SYNPR: variants seen among roughly 807,000 people sequenced by gnomAD.
SYNPR encodes the protein synaptoporin.
A neutral mutation model predicts 32.9 loss-of-function variants in SYNPR; 23 were observed. That is an observed-to-expected ratio of 0.70 (90% CI 0.50 to 0.99). The LOEUF (loss-of-function observed/expected upper bound fraction) is 0.99. Among genes scored for constraint, SYNPR ranks in the 50% least tolerant of loss-of-function variants. The pLI, the probability that SYNPR is intolerant of heterozygous loss-of-function variation, is 0.00. For synonymous variants in SYNPR, 146 were observed against 135.9 expected (o/e 1.07, Z -0.52); for missense variants, 318 against 349.3 (o/e 0.91, Z 0.71).
the SYNPR span, chr3:63,203,189 T>C: frequency 6.7e-6 from 1 of 150,028 alleles, no homozygotes; most frequent in East Asian, 2.0e-4. Flanking sequence ...GAGAGGACAG[T>C]GGGGCAGCAG....
At chr3:63,452,131 T>C in intron 2 of SYNPR, 1 of 702,060 alleles carries the variant, frequency 1.4e-6, no homozygotes, top group Non-Finnish European at 2.6e-6. Context: ...AATGTTTTCT[T>C]ATTTGCTCAC....
At chr3:63,331,606 AG>A (rs2087230196) in intron 2 of SYNPR, among the ~76,000 whole-genome samples, 1 of 152,066 alleles carries the variant, frequency 6.6e-6, no homozygotes, top group South Asian at 2.1e-4. Flanking sequence ...GTAGTCTAGA[AG>A]GGGCTTGGGC....
At chr3:63,282,602 G>A (rs1350136880) in intron 2 of SYNPR, among the ~76,000 whole-genome samples, 1 of 150,858 alleles carries the variant, frequency 6.6e-6, no homozygotes, top group African/African-American at 2.4e-5. Context: ...AGGATCGCTT[G>A]AGCCCACGAG....
At chr3:63,349,392 G>T (rs559370254) in intron 2 of SYNPR, among the ~76,000 whole-genome samples, 1 of 152,146 alleles carries the variant, frequency 6.6e-6, no homozygotes, top group Non-Finnish European at 1.5e-5. Flanking sequence ...GAGCCACCGC[G>T]CCTGGCCAAC....
At chr3:63,418,332 A>G (rs574423966) in intron 2 of SYNPR, among the ~76,000 whole-genome samples, 2 of 152,278 alleles carry the variant, frequency 1.3e-5, no homozygotes, top group African/African-American at 2.4e-5. Context: ...TATCATTATC[A>G]GCAATTTGGT....
intron 3 of SYNPR, among the ~76,000 whole-genome samples, chr3:63,556,185 A>AG (rs1434824105): frequency 6.6e-6 from 1 of 152,192 alleles, no homozygotes; most frequent in African/African-American, 2.4e-5. Context: ...AGATACAGTT[A>AG]GGGGCACCAA....
chr3:63,445,827 A>G (rs1700267487), intron 2 of SYNPR, among the ~76,000 whole-genome samples: 1 of 152,214 alleles, frequency 6.6e-6, no homozygotes, highest in Non-Finnish European at 1.5e-5. Context: ...AATCTACAAC[A>G]AACGCCTAGA....
chr3:63,375,943 C>T (rs1248349958), intron 2 of SYNPR, among the ~76,000 whole-genome samples: 1 of 152,148 alleles, frequency 6.6e-6, no homozygotes, highest in African/African-American at 2.4e-5. Flanking sequence ...ACCTTAAAAC[C>T]TGCTTCTCCT....
intron 3 of SYNPR, among the ~76,000 whole-genome samples, chr3:63,531,468 A>G (rs1575695414): frequency 6.6e-6 from 1 of 152,190 alleles, no homozygotes; most frequent in East Asian, 1.9e-4. Flanking sequence ...CTGTGTGTCT[A>G]TTTACATAAC....
intron 5 of SYNPR, chr3:63,610,689 A>G (rs1255996257): frequency 2.3e-6 from 1 of 431,546 alleles, no homozygotes; most frequent in Non-Finnish European, 4.1e-6. Context: ...GTTTGTTTAT[A>G]GACAGTATTT....
At position 63,615,781 on chromosome 3, in the gene SYNPR, T is replaced by C. The variant is rs996944204; in HGVS notation, c.*300T>C. On this transcript the variant is annotated 3_prime_UTR_variant, in exon 6 of 6. Coordinates refer to ENST00000478300, the MANE Select transcript of SYNPR (RefSeq NM_001130003.2). ...TAAAGTAGTAGAAGTATTTTGTAGCTTAAAGTCTCTAGTATGTAATATGCA... is the reference window on the plus strand; with the variant it reads ...TAAAGTAGTAGAAGTATTTTGTAGCCTAAAGTCTCTAGTATGTAATATGCA... 3.9e-6 allele frequency: 1 copy of C among 258,218 alleles called. No homozygotes were observed. The highest frequency in any genetic ancestry group is 2.2e-5 in the African/African-American group (1 of 44,880). 16.0% of individuals were successfully genotyped at this position (258,218 alleles called of 1,614,324 possible). A position where few individuals can be genotyped will look rare whatever the true frequency, so the allele number is the denominator to read the frequency against.
chr3:63,264,837 G>T (rs2086469711), intron 2 of SYNPR, among the ~76,000 whole-genome samples: 1 of 152,066 alleles, frequency 6.6e-6, no homozygotes, highest in Non-Finnish European at 1.5e-5. Context: ...GCAAGCCGGG[G>T]AAATTCCAGA....
chr3:63,443,637 T>C (rs1348555364), intron 2 of SYNPR, among the ~76,000 whole-genome samples: 1 of 152,242 alleles, frequency 6.6e-6, no homozygotes, highest in Non-Finnish European at 1.5e-5. Flanking sequence ...GTAATTTGTA[T>C]GTTTAAACCA....
upstream of SYNPR, among the ~76,000 whole-genome samples, chr3:63,223,717 T>C (rs1424341492): frequency 6.6e-6 from 1 of 152,230 alleles, no homozygotes; most frequent in African/African-American, 2.4e-5. Flanking sequence ...AGAGACTATC[T>C]AGTTAAAAGG....
intron 2 of SYNPR, among the ~76,000 whole-genome samples, chr3:63,390,946 G>T (rs906945115): frequency 6.6e-6 from 1 of 152,202 alleles, no homozygotes; most frequent in East Asian, 1.9e-4. Flanking sequence ...AAATCACTCC[G>T]ACTATGATCC....
intron 4 of SYNPR, among the ~76,000 whole-genome samples, chr3:63,588,883 G>A (rs1703251541): frequency 6.6e-6 from 1 of 152,040 alleles, no homozygotes; most frequent in East Asian, 1.9e-4. Flanking sequence ...GGATAGGGTT[G>A]CAGGTGGGGA....
chr3:63,460,671 G>C (rs1700568675), intron 2 of SYNPR, among the ~76,000 whole-genome samples: 1 of 151,946 alleles, frequency 6.6e-6, no homozygotes, highest in Admixed American at 6.6e-5. Flanking sequence ...GGCTAGAGGG[G>C]AAAGCAAGGA....
chr3:63,540,699 A>T (rs1035078713), intron 3 of SYNPR, among the ~76,000 whole-genome samples: 19 of 152,088 alleles, frequency 1.2e-4, no homozygotes, highest in Non-Finnish European at 2.5e-4. Context: ...CTCTATGTTC[A>T]CTAGACAAAT....
intron 2 of SYNPR, among the ~76,000 whole-genome samples, chr3:63,472,656 G>T (rs1023109387): frequency 6.6e-6 from 1 of 152,100 alleles, no homozygotes; most frequent in African/African-American, 2.4e-5. Context: ...CTGAAGCATG[G>T]TCCTGTTGGC....
Sources: allele counts gnomAD v4.1 joint callset (sites outside exome capture counted in the v4.1 genomes callset), GRCh38; gene constraint gnomAD v4.1.1; transcripts MANE v1.5; gene names NCBI Gene and HGNC (gene_info 2026-07-23, HGNC 2026-07-21).